PTPRA: variants seen among roughly 807,000 people sequenced by gnomAD.
PTPRA encodes the protein protein tyrosine phosphatase receptor type A.
Under a neutral mutation model 104.8 loss-of-function variants are expected in PTPRA, and 25 were observed. The ratio of observed to expected loss-of-function variants is 0.24; its 90% confidence interval spans 0.17 to 0.33. PTPRA has a LOEUF of 0.33. Among genes scored for constraint, PTPRA ranks in the 10% least tolerant of loss-of-function variants. The pLI is 1.00. For synonymous variants in PTPRA, 323 were observed against 368.9 expected (o/e 0.88, Z 1.43); for missense variants, 765 against 1,015.3 (o/e 0.75, Z 3.35).
chr20:2,989,827 C>T (rs1369782829), intron 9 of PTPRA, among the ~76,000 whole-genome samples: 9 of 152,222 alleles, frequency 5.9e-5, no homozygotes, highest in South Asian at 2.1e-4. Flanking sequence ...ACCATCCTGG[C>T]TAACACAGTG....
intron 9 of PTPRA, among the ~76,000 whole-genome samples, chr20:2,996,822 A>G (rs999063064): frequency 1.3e-5 from 2 of 152,190 alleles, no homozygotes; most frequent in Non-Finnish European, 2.9e-5. Flanking sequence ...AATGTGGACA[A>G]AAGTATGGGG....
At chr20:2,932,790 G>T (rs1213985975) in intron 2 of PTPRA, among the ~76,000 whole-genome samples, 1 of 152,248 alleles carries the variant, frequency 6.6e-6, no homozygotes, top group South Asian at 2.1e-4. Context: ...GAACCAGATG[G>T]TAAGTATAAT....
intron 1 of PTPRA, among the ~76,000 whole-genome samples, chr20:2,887,261 T>A (rs1422139162): frequency 2.6e-5 from 4 of 152,230 alleles, no homozygotes; most frequent in Admixed American, 6.5e-5. Context: ...TGAAATGTTT[T>A]GTAGTATTTA....
At chr20:2,933,719 C>G (rs1336055679) in intron 2 of PTPRA, among the ~76,000 whole-genome samples, 5 of 152,118 alleles carry the variant, frequency 3.3e-5, no homozygotes, top group Non-Finnish European at 7.4e-5. Context: ...CCCTCAGCCT[C>G]CCAAAGTGCT....
the PTPRA span, chr20:2,866,039 G>C: frequency 3.1e-6 from 2 of 636,142 alleles, no homozygotes; most frequent in East Asian, 2.8e-5. Flanking sequence ...TCTGCCCTAA[G>C]AATGTTGAGA....
upstream of PTPRA, among the ~76,000 whole-genome samples, chr20:2,871,664 G>C (rs916303098): frequency 2.6e-4 from 40 of 152,198 alleles, 1 homozygote; most frequent in South Asian, 2.1e-4. Context: ...GTCATTACTT[G>C]TTAGGGGTTT....
At chr20:2,967,990 G>A (rs970327340) in intron 5 of PTPRA, among the ~76,000 whole-genome samples, 3 of 152,142 alleles carry the variant, frequency 2.0e-5, no homozygotes, top group African/African-American at 4.8e-5. Flanking sequence ...GCCCTCCATT[G>A]TCTTATTCCA....
At chr20:3,013,468 A>G (rs1281434503) in intron 11 of PTPRA, among the ~76,000 whole-genome samples, 12 of 149,588 alleles carry the variant, frequency 8.0e-5, no homozygotes, top group Non-Finnish European at 1.5e-5. Flanking sequence ...CCCAGGCTGG[A>G]GTGCAATGGC....
chr20:3,008,880 C>A (rs2064011885), intron 11 of PTPRA, among the ~76,000 whole-genome samples: 1 of 151,930 alleles, frequency 6.6e-6, no homozygotes, highest in Non-Finnish European at 1.5e-5. Flanking sequence ...CCACTGCACT[C>A]CAGCCTGGGC....
chr20:2,897,384 C>CTTTT (rs60627339), intron 1 of PTPRA, among the ~76,000 whole-genome samples: 213 of 108,886 alleles, frequency 2.0e-3, no homozygotes, highest in African/African-American at 3.3e-3. Flanking sequence ...CTTGGCATTT[C>CTTTT]TTTTTTTTTT....
the PTPRA span, chr20:2,866,372 G>T: frequency 6.2e-7 from 1 of 1,614,088 alleles, no homozygotes; most frequent in Non-Finnish European, 8.5e-7. Flanking sequence ...CTGGTGAGAG[G>T]CAGGGTTTGT....
At chr20:3,025,480 TCAGAAG>T (rs1489809137) in intron 17 of PTPRA, among the ~76,000 whole-genome samples, 1 of 147,454 alleles carries the variant, frequency 6.8e-6, no homozygotes, top group Non-Finnish European at 1.5e-5. Context: ...AAGTGCTTTC[TCAGAAG>T]CAGGAGATTC....
intron 2 of PTPRA, among the ~76,000 whole-genome samples, chr20:2,928,528 C>T (rs2060390471): frequency 6.6e-6 from 1 of 152,052 alleles, no homozygotes; most frequent in African/African-American, 2.4e-5. Context: ...TTCTGACATC[C>T]CTTGTTGTTC....
At chr20:2,978,574 C>T (rs924038447) in intron 6 of PTPRA, among the ~76,000 whole-genome samples, 1 of 152,072 alleles carries the variant, frequency 6.6e-6, no homozygotes, top group Non-Finnish European at 1.5e-5. Flanking sequence ...TTAATATGGC[C>T]CTTTGTTTTC....
chr20:2,989,364 C>T (rs369809304), intron 9 of PTPRA, among the ~76,000 whole-genome samples: 61 of 152,240 alleles, frequency 4.0e-4, no homozygotes, highest in African/African-American at 1.1e-3. Flanking sequence ...ACCCAGGAGG[C>T]GGAGGTTGCA....
intron 1 of PTPRA, among the ~76,000 whole-genome samples, chr20:2,912,453 G>A (rs781228117): frequency 9.9e-5 from 15 of 151,858 alleles, no homozygotes; most frequent in South Asian, 2.1e-4. Flanking sequence ...GCGAAACTCC[G>A]TCTCTACAAA....
intron 1 of PTPRA, 43 bp from the exon 2 acceptor site, chr20:2,923,163 AG>A: frequency 3.5e-6 from 3 of 867,328 alleles, no homozygotes; most frequent in Non-Finnish European, 4.7e-6. Context: ...CAATCTGCTC[AG>A]GGATGTTGTA....
chr20:2,963,335 C>T (rs1193737756), intron 3 of PTPRA, among the ~76,000 whole-genome samples: 1 of 152,160 alleles, frequency 6.6e-6, no homozygotes, highest in Non-Finnish European at 1.5e-5. Flanking sequence ...GATGTGATGA[C>T]TCACGCCTGT....
chr20:2,992,173 TG>T (rs1398395920), intron 9 of PTPRA, among the ~76,000 whole-genome samples: 1 of 152,198 alleles, frequency 6.6e-6, no homozygotes, highest in Non-Finnish European at 1.5e-5. Context: ...CAGCTGATAA[TG>T]GGATTCTGCT....
Sources: gnomAD v4.1 joint callset for allele counts (sites outside exome capture counted in the v4.1 genomes callset) on GRCh38, gnomAD v4.1.1 for gene constraint, MANE v1.5 for transcripts, NCBI Gene and HGNC (gene_info 2026-07-23, HGNC 2026-07-21) for gene names.